The following ATP2C2 variants were observed in gnomAD, a reference collection of about 807,000 sequenced individuals.
The protein encoded by ATP2C2 is ATPase secretory pathway Ca2+ transporting 2.
In ATP2C2, 171 loss-of-function variants were observed where a neutral mutation model predicts 110.8. That is an observed-to-expected ratio of 1.54 (90% CI 1.36 to 1.75). The LOEUF (loss-of-function observed/expected upper bound fraction) is 1.75. ATP2C2 is among the 40% of genes most tolerant of loss of function. ATP2C2 has a pLI of 0.00. For missense variants in ATP2C2, 1,963 were observed against 1,235.0 expected, an observed-to-expected ratio of 1.59 and a Z score of -8.84; for synonymous variants, 804 against 508.4, an observed-to-expected ratio of 1.58 and a Z score of -7.82.
rs370003800 is a variant in ATP2C2, at chr16:84,459,326, C to T, written c.2273C>T (p.Pro758Leu). 1.8e-5 allele frequency: 29 copies of T among 1,614,090 alleles called. No individual in the cohort carries two copies. The highest frequency in any genetic ancestry group is 9.3e-5 in the African/African-American group (7 of 74,918). The change falls in exon 23 of 27, where the codon CCC becomes CTC. Residue 758 changes from proline (P) to leucine (L), a missense_variant. By Grantham distance (98) the Pro-to-Leu change is moderately conservative. Coordinates refer to ENST00000262429, the MANE Select transcript of ATP2C2 (RefSeq NM_014861.4). ...TLSTVFNLPS[P>L]LNAMQILWIN... Reference sequence around the variant, plus strand: ...TCCACCGTGTTCAACCTGCCCAGCCCCCTCAACGCCATGCAGATCCTATGG... The same window carrying T: ...TCCACCGTGTTCAACCTGCCCAGCCTCCTCAACGCCATGCAGATCCTATGG...
In ATP2C2 at chr16:84,461,718, C is replaced by A; in HGVS notation, c.2486C>A (p.Pro829His). Reference protein sequence around the residue: ...GTLFIFWKEMPEDRASTPRTT... With the variant: ...GTLFIFWKEMHEDRASTPRTT... ...ACCTTTGTGCTCACCTTCCAGATGC[C>A]TGAAGACAGAGCAAGCACTCCCCGC... Residue 829 changes from proline to histidine, a missense_variant, in exon 25 of 27, where the codon CCT becomes CAT. Pro to His is a moderately conservative substitution (Grantham distance 77, BLOSUM62 -2). Coordinates refer to ENST00000262429, the MANE Select transcript of ATP2C2 (RefSeq NM_014861.4). 6.2e-7 allele frequency: 1 copy of A among 1,614,102 alleles called. No homozygotes were observed. The highest frequency in any genetic ancestry group is 8.5e-7 in the Non-Finnish European group (1 of 1,179,940).
At chr16:84,458,271 A>G (rs1386563506) in intron 21 of ATP2C2, among the ~76,000 whole-genome samples, 2 of 98,948 alleles carry the variant, frequency 2.0e-5, no homozygotes, top group African/African-American at 4.0e-5. Flanking sequence ...ACATATTCTC[A>G]CTCATAGGTG....
intron 1 of ATP2C2, among the ~76,000 whole-genome samples, chr16:84,381,102 G>A (rs1910554944): frequency 6.6e-6 from 1 of 152,226 alleles, no homozygotes; most frequent in African/African-American, 2.4e-5. Flanking sequence ...TCCGAAAAGA[G>A]AGTCGGCAAA....
intron 11 of ATP2C2, chr16:84,426,188 G>A (rs72806606): frequency 0.088 from 18,059 of 204,096 alleles, 1,153 homozygotes; most frequent in Non-Finnish European, 0.13. Context: ...CAATCAAGGC[G>A]GAAGGGGAAG....
intron 11 of ATP2C2, among the ~76,000 whole-genome samples, chr16:84,437,915 A>T (rs1190036571): frequency 1.3e-5 from 2 of 152,200 alleles, no homozygotes; most frequent in Non-Finnish European, 1.5e-5. Flanking sequence ...GCAATCGCTC[A>T]TCTTTCTTTC....
intron 1 of ATP2C2, among the ~76,000 whole-genome samples, chr16:84,385,960 C>G (rs1372157496): frequency 6.6e-6 from 1 of 152,236 alleles, no homozygotes. Flanking sequence ...TGATTTGTTA[C>G]TATCAATATT....
chr16:84,442,667 C>A, intron 15 of ATP2C2, 68 bp downstream of exon 15: 1 of 1,469,630 alleles, frequency 6.8e-7, no homozygotes, highest in Non-Finnish European at 9.5e-7. Context: ...GGTAGAAAGC[C>A]AGCTCCTGTC....
chr16:84,429,091 T>C (rs1216224990), intron 11 of ATP2C2, among the ~76,000 whole-genome samples: 2 of 152,130 alleles, frequency 1.3e-5, no homozygotes, highest in African/African-American at 4.8e-5. Context: ...TCTAGTGAAT[T>C]GGGGCTTTCT....
intron 7 of ATP2C2, 68 bp from the exon 8 acceptor site, chr16:84,422,322 T>C (rs1597806597): frequency 1.3e-6 from 2 of 1,536,232 alleles, no homozygotes; most frequent in East Asian, 4.5e-5. Flanking sequence ...TGGTACCATT[T>C]TGTGCTTTTA....
Position 84,432,647 on chromosome 16 carries a change from A to G in ATP2C2, c.987-6519A>G, listed in dbSNP as rs546323427. On this transcript the variant is annotated intron_variant, in intron 11 of 26. Transcript: ENST00000262429. ...ACTATTCTCCTGCCTCAGCCTCCCAAGTAGCTGAGATTACAGGTGCCTGCC... is the reference window on the plus strand; with the variant it reads ...ACTATTCTCCTGCCTCAGCCTCCCAGGTAGCTGAGATTACAGGTGCCTGCC... Among the ~76,000 whole-genome samples the G allele has an allele frequency of 4.6e-5, 7 of 152,074 alleles. No homozygotes were observed. The East Asian group carries it at 1.4e-3, about 29-fold the overall frequency.
intron 3 of ATP2C2, 118 bp downstream of exon 3, chr16:84,405,362 G>C (rs776865081): frequency 1.2e-6 from 1 of 832,686 alleles, no homozygotes; most frequent in Non-Finnish European, 1.9e-6. Context: ...CCCCTTTCAC[G>C]CTGCCCCAGC....
intron 1 of ATP2C2, among the ~76,000 whole-genome samples, chr16:84,389,432 G>C (rs1047550623): frequency 2.6e-5 from 4 of 152,238 alleles, no homozygotes; most frequent in African/African-American, 9.6e-5. Flanking sequence ...GGTGTCGTCA[G>C]ATTTACACAT....
chr16:84,440,233 A>G (rs1909119419), intron 13 of ATP2C2, among the ~76,000 whole-genome samples: 1 of 152,244 alleles, frequency 6.6e-6, no homozygotes, highest in Non-Finnish European at 1.5e-5. Context: ...TCTGGGCTCA[A>G]GGGATCCTCC....
Position 84,415,511 on chromosome 16 carries a change from C to T in ATP2C2, c.544C>T (p.Leu182Phe), listed in dbSNP as rs1189223637. ...CLREGKLQHL[L>F]ARELVPGDVV... is the part of the protein sequence containing the mutation. ...AAGAGAAGGAAAACTCCAGCACCTG[C>T]TTGCTCGAGAACTGGTTCCTGGTGA... is the stretch of plus-strand genomic sequence containing the variant. The change falls in exon 7 of 27, where the codon CTT becomes TTT. Residue 182 changes from leucine (L) to phenylalanine (F), a missense_variant. Physicochemically the swap from Leu to Phe is conservative, Grantham distance 22. Coordinates refer to ENST00000262429, the MANE Select transcript of ATP2C2 (RefSeq NM_014861.4). The T allele has an allele frequency of 1.9e-6, 3 of 1,614,062 alleles. No homozygotes were observed. In the South Asian group the frequency reaches 3.3e-5, roughly 18 times the overall value.
At chr16:84,443,139 G>A (rs754985279) in intron 15 of ATP2C2, among the ~76,000 whole-genome samples, 2 of 152,166 alleles carry the variant, frequency 1.3e-5, no homozygotes, top group African/African-American at 4.8e-5. Context: ...CAGAGGACAA[G>A]TTAGAAGAAG....
At chr16:84,454,402 T>G (rs1339198178) in intron 20 of ATP2C2, among the ~76,000 whole-genome samples, 1 of 152,240 alleles carries the variant, frequency 6.6e-6, no homozygotes, top group African/African-American at 2.4e-5. Flanking sequence ...CATGTTATTT[T>G]TAGCTCTACA....
intron 1 of ATP2C2, among the ~76,000 whole-genome samples, chr16:84,379,875 C>G (rs1003134335): frequency 2.0e-5 from 3 of 152,116 alleles, no homozygotes. Context: ...GGAAGGAAAG[C>G]AGAGCCTGTA....
intron 6 of ATP2C2, among the ~76,000 whole-genome samples, chr16:84,412,796 A>C (rs1325256057): frequency 6.6e-6 from 1 of 152,070 alleles, no homozygotes; most frequent in Non-Finnish European, 1.5e-5. Flanking sequence ...TCAAAGTGAT[A>C]GAAGGTATCC....
intron 1 of ATP2C2, among the ~76,000 whole-genome samples, chr16:84,397,818 T>G (rs1468410223): frequency 6.6e-6 from 1 of 151,866 alleles, no homozygotes; most frequent in Non-Finnish European, 1.5e-5. Flanking sequence ...TGTTGCTACA[T>G]GCATTCTCAC....
Sources: allele counts gnomAD v4.1 joint callset (sites outside exome capture counted in the v4.1 genomes callset), GRCh38; gene constraint gnomAD v4.1.1; transcripts MANE v1.5; gene names NCBI Gene and HGNC (gene_info 2026-07-23, HGNC 2026-07-21).